Variants in PLEKHA5 observed in about 807,000 individuals in gnomAD.
PLEKHA5 encodes pleckstrin homology domain-containing family A member 5.
In PLEKHA5, 55 loss-of-function variants were observed where a neutral mutation model predicts 181.9. The observed-to-expected ratio is 0.30, with a 90% confidence interval of 0.24 to 0.38. The LOEUF (loss-of-function observed/expected upper bound fraction) is 0.38, where lower values mean the gene tolerates loss of function less well. Ranked by LOEUF, PLEKHA5 falls within the 10% of genes least tolerant of loss-of-function variation. The pLI is 1.00. For missense variants in PLEKHA5, 1,432 were observed against 1,549.5 expected, an observed-to-expected ratio of 0.92 and a Z score of 1.27; for synonymous variants, 535 against 529.4, an observed-to-expected ratio of 1.01 and a Z score of -0.15.
chr12:19,201,425 T>C (rs557450636), intron 3 of PLEKHA5: 1 of 152,156 alleles, frequency 6.6e-6, no homozygotes, highest in South Asian at 2.1e-4. Flanking sequence ...TGGAAAGAGA[T>C]TGGCAGTTTC....
At chr12:19,334,829 A>AAAAAAAAAATATAT in intron 20 of PLEKHA5, among the ~76,000 whole-genome samples, 5 of 18,598 alleles carry the variant, frequency 2.7e-4, no homozygotes, top group Non-Finnish European at 4.3e-4. Flanking sequence ...AAAAAAAAAA[A>AAAAAAAAAATATAT]ATATATATAT....
At chr12:19,344,283 C>T (rs779952941) in intron 22 of PLEKHA5, among the ~76,000 whole-genome samples, 1 of 152,090 alleles carries the variant, frequency 6.6e-6, no homozygotes, top group Non-Finnish European at 1.5e-5. Context: ...CTCTGTCAAC[C>T]ATACCTAAAC....
chr12:19,193,955 A>C (rs2051931288), intron 3 of PLEKHA5, among the ~76,000 whole-genome samples: 1 of 151,904 alleles, frequency 6.6e-6, no homozygotes, highest in Non-Finnish European at 1.5e-5. Context: ...CACTTTTAAC[A>C]ACCAGATCTC....
chr12:19,230,225 T>G (rs996086371), intron 3 of PLEKHA5, among the ~76,000 whole-genome samples: 1 of 152,224 alleles, frequency 6.6e-6, no homozygotes, highest in Non-Finnish European at 1.5e-5. Flanking sequence ...TGCTGATTGG[T>G]GTATTTACAA....
intron 14 of PLEKHA5, 34 bp downstream of exon 14, chr12:19,290,830 C>A: frequency 6.7e-7 from 1 of 1,498,064 alleles, no homozygotes; most frequent in South Asian, 1.2e-5. Context: ...GTGTCGTCTG[C>A]CATCATCTCT....
Position 19,255,151 on chromosome 12 carries a change from A to T in PLEKHA5, c.418A>T (p.Ser140Cys). ...TTCAGATTATGCAGTGCATCCAATG[A>T]GCCCTGTAGGCAGAGTAAGTTATTT... ...VTSDYAVHPM[S>C]PVGRTSRASK... Residue 140 changes from serine (S) to cysteine (C), a missense_variant, in exon 5 of 32, where the codon AGC (serine) becomes TGC (cysteine). Around this residue, in one of 2 missense-constraint regions of PLEKHA5, gnomAD observed 289 missense variants for 381.1 expected, o/e 0.76. Coordinates refer to ENST00000429027, the MANE Select transcript of PLEKHA5 (RefSeq NM_001256470.2). 1 of 1,598,536 alleles carries T rather than the reference A, an allele frequency of 6.3e-7. No homozygotes were observed. The highest frequency in any genetic ancestry group is 8.6e-7 in the Non-Finnish European group (1 of 1,169,508).
intron 3 of PLEKHA5, among the ~76,000 whole-genome samples, chr12:19,178,938 G>A (rs1432913644): frequency 6.6e-6 from 1 of 152,212 alleles, no homozygotes; most frequent in African/African-American, 2.4e-5. Flanking sequence ...TAGAAATCAT[G>A]TATGTCCTAG....
intron 3 of PLEKHA5, among the ~76,000 whole-genome samples, chr12:19,247,726 T>G (rs2152497177): frequency 6.6e-6 from 1 of 151,960 alleles, no homozygotes; most frequent in African/African-American, 2.4e-5. Flanking sequence ...TGTTGCTATT[T>G]ATCAATTCCT....
At chr12:19,361,001 C>T (rs189736950) in intron 28 of PLEKHA5, among the ~76,000 whole-genome samples, 49 of 152,126 alleles carry the variant, frequency 3.2e-4, no homozygotes, top group African/African-American at 7.5e-4. Flanking sequence ...GTGATCTGCC[C>T]GCCTCAGCCT....
chr12:19,262,155 A>G (rs1344884106), intron 7 of PLEKHA5, among the ~76,000 whole-genome samples: 1 of 152,110 alleles, frequency 6.6e-6, no homozygotes, highest in Non-Finnish European at 1.5e-5. Flanking sequence ...CTTTTTCAGT[A>G]TATTTATGGA....
At chr12:19,252,207 A>G (rs1262225746) in intron 3 of PLEKHA5, among the ~76,000 whole-genome samples, 1 of 152,218 alleles carries the variant, frequency 6.6e-6, no homozygotes, top group African/African-American at 2.4e-5. Context: ...TATGAAAATT[A>G]GGATTTGGAA....
intron 22 of PLEKHA5, among the ~76,000 whole-genome samples, chr12:19,344,562 C>T (rs2094179851): frequency 6.6e-6 from 1 of 152,074 alleles, no homozygotes; most frequent in Admixed American, 6.6e-5. Context: ...ATTATTAATA[C>T]ATACAACTAA....
chr12:19,129,789 AG>A lies in PLEKHA5; in HGVS notation c.-8del, dbSNP rs1488917484. ...GCAGGAGAAGGCGGCGGCGGCGGCT[AG>A]GGATCAGACATGGCGGCGGATCTGA... On this transcript the variant is annotated 5_prime_UTR_variant, in exon 1 of 32. Transcript: ENST00000429027. 1.3e-6 allele frequency: 2 copies of A among 1,586,478 alleles called. No homozygotes were observed. The highest frequency in any genetic ancestry group is 2.8e-5 in the African/African-American group (2 of 71,966).
chr12:19,308,054 AC>A (rs1241141170), intron 15 of PLEKHA5, among the ~76,000 whole-genome samples: 1 of 152,170 alleles, frequency 6.6e-6, no homozygotes, highest in Non-Finnish European at 1.5e-5. Context: ...TAAAAGTTAC[AC>A]GGGTTTATGA....
chr12:19,258,934 C>T (rs1367754666), intron 6 of PLEKHA5, among the ~76,000 whole-genome samples: 1 of 152,154 alleles, frequency 6.6e-6, no homozygotes, highest in Non-Finnish European at 1.5e-5. Flanking sequence ...TTATGATCCA[C>T]TATTTCAGTG....
chr12:19,155,891 G>C (rs746657460), intron 3 of PLEKHA5, among the ~76,000 whole-genome samples: 11 of 152,144 alleles, frequency 7.2e-5, no homozygotes, highest in Admixed American at 6.5e-5. Flanking sequence ...CTCATCTGTG[G>C]TTGAACATCT....
rs545504499 is a variant in PLEKHA5 at position 19,354,191 on chromosome 12, G to T, written c.3138+189G>T. On this transcript the variant is annotated intron_variant, in intron 26 of 31. Coordinates refer to ENST00000429027, the MANE Select transcript of PLEKHA5 (RefSeq NM_001256470.2). ...TTTTGAGACGGAGTCTCGCTCTGTC[G>T]CCCAGGCTGGAGTGCTGTGGCGCGA... Among the ~76,000 whole-genome samples, 5 of 105,206 alleles carry T rather than the reference G, an allele frequency of 4.8e-5. No homozygotes were observed. The East Asian group carries it at 1.5e-3, about 32-fold the overall frequency. 69.0% of individuals were successfully genotyped at this position (105,206 alleles called of 152,430 possible). A position where few individuals can be genotyped will look rare whatever the true frequency, so the allele number is the denominator to read the frequency against.
At chr12:19,159,538 G>A (rs1186722141) in intron 3 of PLEKHA5, among the ~76,000 whole-genome samples, 2 of 152,030 alleles carry the variant, frequency 1.3e-5, no homozygotes, top group Non-Finnish European at 1.5e-5. Flanking sequence ...AACTTCTGCT[G>A]TTCTGTTATT....
chr12:19,194,008 A>T (rs1221461570), intron 3 of PLEKHA5, among the ~76,000 whole-genome samples: 1 of 152,150 alleles, frequency 6.6e-6, no homozygotes, highest in East Asian at 1.9e-4. Context: ...CCAAGCCATG[A>T]GGGATCCACC....
Sources: allele counts gnomAD v4.1 joint callset (sites outside exome capture counted in the v4.1 genomes callset), GRCh38; gene constraint gnomAD v4.1.1; regional missense constraint gnomAD v4.1.1; transcripts MANE v1.5; gene names NCBI Gene and HGNC (gene_info 2026-07-23, HGNC 2026-07-21).